NIPA2: variants seen among roughly 807,000 people sequenced by gnomAD.
NIPA2 encodes the protein NIPA magnesium transporter 2, also known as magnesium transporter NIPA2.
Under a neutral mutation model 29.7 loss-of-function variants are expected in NIPA2, and 11 were observed. That is an observed-to-expected ratio of 0.37 (90% confidence interval 0.23 to 0.61). NIPA2 has a LOEUF of 0.61. Ranked by LOEUF, NIPA2 falls within the 20% of genes least tolerant of loss-of-function variation. NIPA2 has a pLI of 0.66. For synonymous variants in NIPA2, 183 were observed against 161.9 expected, an observed-to-expected ratio of 1.13 and a Z score of -0.99; for missense variants, 426 against 437.9, an observed-to-expected ratio of 0.97 and a Z score of 0.24.
rs369295410 is a variant in NIPA2 at position 22,854,016 on chromosome 15, CAG to C, written c.196+749_196+750del. Reference sequence around the variant, plus strand: ...CTAATTTTTGTATTTTTAGTAGAGACAGGGATTCACACGTTGGCCAGGCTGGT... The same window carrying C: ...CTAATTTTTGTATTTTTAGTAGAGACGGATTCACACGTTGGCCAGGCTGGT... On this transcript the variant is annotated intron_variant, in intron 5 of 7. Transcript: ENST00000337451. Among the ~76,000 whole-genome samples, 172 of 150,758 alleles carry C rather than the reference CAG, an allele frequency of 1.1e-3. 1 individual carries two copies. The highest frequency in any genetic ancestry group is 5.1e-3 in the East Asian group (25 of 4,932).
chr15:22,847,480 T>TC (rs1320426845), intron 3 of NIPA2, among the ~76,000 whole-genome samples: 2 of 151,998 alleles, frequency 1.3e-5, no homozygotes, highest in South Asian at 2.1e-4. Context: ...TTTTTTTTTT[T>TC]CCGAGACGGA....
chr15:22,855,444 G>A (rs2058107433), intron 5 of NIPA2, among the ~76,000 whole-genome samples: 1 of 151,892 alleles, frequency 6.6e-6, no homozygotes, highest in South Asian at 2.1e-4. Context: ...TGAAGACACT[G>A]AGCCTTGACT....
chr15:22,866,338 T>G lies in NIPA2; in HGVS notation c.574T>G (p.Ser192Ala). The G allele has an allele frequency of 1.2e-6, 2 of 1,614,140 alleles. No individual in the cohort carries two copies. The highest frequency in any genetic ancestry group is 2.2e-5 in the South Asian group (2 of 91,082). ...AATCTGCTCTGTAATCGGCGCGTTT[T>G]CAGTCTCCTGTGTGAAGGGCCTGGG... ...ITICSVIGAF[S>A]VSCVKGLGIA... Residue 192 changes from serine (S) to alanine (A), a missense_variant, in exon 8 of 8, where the codon TCA becomes GCA. Ser to Ala is a moderately conservative substitution (Grantham distance 99). Around this residue, in one of 3 missense-constraint regions of NIPA2, gnomAD observed 357 missense variants for 339.8 expected, o/e 1.05. Coordinates refer to ENST00000337451, the MANE Select transcript of NIPA2 (RefSeq NM_030922.7).
At chr15:22,846,790 T>TG (rs1409341368) in intron 3 of NIPA2, among the ~76,000 whole-genome samples, 2 of 149,930 alleles carry the variant, frequency 1.3e-5, no homozygotes, top group East Asian at 3.9e-4. Context: ...CACTCCAGCC[T>TG]GGGTGACAGA....
In NIPA2 at chr15:22,860,803, C is replaced by T; in HGVS notation, c.448+14C>T. Reference sequence around the variant, plus strand: ...TAGGTGATCCAGGTAAGAAAAAAGTCTTATTAGTCTTACTGTATTTTACTT... The same window carrying T: ...TAGGTGATCCAGGTAAGAAAAAAGTTTTATTAGTCTTACTGTATTTTACTT... On this transcript the variant is annotated intron_variant, in intron 7 of 7. Coordinates refer to ENST00000337451, the MANE Select transcript of NIPA2 (RefSeq NM_030922.7). The T allele has an allele frequency of 3.8e-6, 6 of 1,563,586 alleles. No individual in the cohort carries two copies. The highest frequency in any genetic ancestry group is 5.2e-6 in the Non-Finnish European group (6 of 1,156,918).
chr15:22,857,749 A>C (rs1298369982), intron 5 of NIPA2, among the ~76,000 whole-genome samples: 3 of 146,642 alleles, frequency 2.0e-5, no homozygotes, highest in Admixed American at 1.4e-4. Flanking sequence ...AGGCAGGAGA[A>C]TTGCTTGAAC....
At position 22,867,607 on chromosome 15, in the gene NIPA2, A is replaced by G. The variant is rs73418445; in HGVS notation, c.*760A>G. 0.021 allele frequency: 3,438 copies of G among 165,884 alleles called. 118 individuals carry two copies. The highest frequency in any genetic ancestry group is 0.077 in the African/African-American group (3,259 of 42,160). The allele number at this position is 165,884 out of a possible 1,614,324, so 10.3% of individuals were successfully genotyped here. On this transcript the variant is annotated 3_prime_UTR_variant, in exon 8 of 8. Coordinates refer to ENST00000337451, the MANE Select transcript of NIPA2 (RefSeq NM_030922.7). Reference sequence around the variant, plus strand: ...TTTTACATCAGCTCTTGTACTTTTCAGTATATTTTCATAATGAGTTATATT... The same window carrying G: ...TTTTACATCAGCTCTTGTACTTTTCGGTATATTTTCATAATGAGTTATATT...
intron 7 of NIPA2, among the ~76,000 whole-genome samples, chr15:22,861,075 AT>A (rs1256534281): frequency 6.6e-6 from 1 of 152,062 alleles, no homozygotes; most frequent in African/African-American, 2.4e-5. Flanking sequence ...TTTTCTTGAG[AT>A]TGTTTACATT....
Position 22,867,333 on chromosome 15 carries a change from A to G in NIPA2, c.*486A>G. Reference sequence around the variant, plus strand: ...TTGATGATGATTGGTTTTATTTTTGAAATATTTATTAAGGGAAAACTAAGT... The same window carrying G: ...TTGATGATGATTGGTTTTATTTTTGGAATATTTATTAAGGGAAAACTAAGT... On this transcript the variant is annotated 3_prime_UTR_variant, in exon 8 of 8. Transcript: ENST00000337451. 2.5e-6 allele frequency: 1 copy of G among 396,794 alleles called. No individual in the cohort carries two copies. The highest frequency in any genetic ancestry group is 4.4e-6 in the Non-Finnish European group (1 of 225,174). The allele number at this position is 396,794 out of a possible 1,614,324, so 24.6% of individuals were successfully genotyped here.
intron 5 of NIPA2, among the ~76,000 whole-genome samples, chr15:22,855,882 T>TAG (rs1272513256): frequency 3.3e-5 from 5 of 152,186 alleles, no homozygotes; most frequent in Admixed American, 3.3e-4. Flanking sequence ...GTGTGATACA[T>TAG]AGCCCTCAGT....
intron 7 of NIPA2, among the ~76,000 whole-genome samples, chr15:22,861,405 T>G (rs1049202869): frequency 3.3e-5 from 5 of 152,158 alleles, no homozygotes; most frequent in African/African-American, 1.2e-4. Context: ...GGGATTCCCT[T>G]CAGTTTGCTT....
Position 22,866,313 on chromosome 15 carries a change from A to T in NIPA2, c.549A>T (p.Thr183=), listed in dbSNP as rs746208733. 8.1e-6 allele frequency: 13 copies of T among 1,613,862 alleles called. 2 individuals carry two copies. In the South Asian group the frequency reaches 1.3e-4, roughly 16 times the overall value. Residue 183 remains threonine, a synonymous_variant, in exon 8 of 8, where the codon ACA becomes ACT. Coordinates refer to ENST00000337451, the MANE Select transcript of NIPA2 (RefSeq NM_030922.7). The part of the protein sequence containing the change: ...HGQTNILVYI[T]ICSVIGAFSV... ...AGACAAACATTCTTGTGTACATAAC[A>T]ATCTGCTCTGTAATCGGCGCGTTTT...
chr15:22,844,076 G>C (rs893108989), intron 2 of NIPA2, among the ~76,000 whole-genome samples: 2 of 152,146 alleles, frequency 1.3e-5, no homozygotes, highest in African/African-American at 4.8e-5. Flanking sequence ...GCAGGTCCTA[G>C]TTTAGGTTTT....
At chr15:22,860,561 T>A in intron 6 of NIPA2, 68 bp from the exon 7 acceptor site, 2 of 1,027,254 alleles carry the variant, frequency 1.9e-6, no homozygotes, top group Non-Finnish European at 2.8e-6. Flanking sequence ...AAATTACGAG[T>A]TTTATTGATA....
intron 5 of NIPA2, among the ~76,000 whole-genome samples, chr15:22,855,735 C>T (rs778938702): frequency 2.0e-5 from 3 of 152,022 alleles, no homozygotes; most frequent in African/African-American, 4.8e-5. Context: ...GGGCCAGCCT[C>T]GCTGAAAGGT....
Position 22,866,198 on chromosome 15 carries a change from C to G in NIPA2, c.449-15C>G, listed in dbSNP as rs1323218002. The G allele has an allele frequency of 1.2e-6, 2 of 1,602,292 alleles. No individual in the cohort carries two copies. The highest frequency in any genetic ancestry group is 1.7e-5 in the Admixed American group (1 of 58,962). ...CAACCATTTGACTCATGTAACTTTTCTTTGCCTCCTCCAGGTTTTGTGGTC... is the reference window on the plus strand; with the variant it reads ...CAACCATTTGACTCATGTAACTTTTGTTTGCCTCCTCCAGGTTTTGTGGTC... On this transcript the variant is annotated splice_polypyrimidine_tract_variant and intron_variant, in intron 7 of 7. Coordinates refer to ENST00000337451, the MANE Select transcript of NIPA2 (RefSeq NM_030922.7).
At chr15:22,862,995 G>A (rs2058726141) in intron 7 of NIPA2, among the ~76,000 whole-genome samples, 1 of 146,132 alleles carries the variant, frequency 6.8e-6, no homozygotes. Flanking sequence ...TCTGCCTCTC[G>A]GGCTCAAGCG....
rs962420483 is a variant in NIPA2 at position 22,851,978 on chromosome 15, T to C, written c.139+108T>C. 5 of 955,224 alleles carry C rather than the reference T, an allele frequency of 5.2e-6. No individual in the cohort carries two copies. In the African/African-American group the frequency reaches 8.2e-5, roughly 16 times the overall value. The allele number at this position is 955,224 out of a possible 1,614,324, so 59.2% of individuals were successfully genotyped here. A position where few individuals can be genotyped will look rare whatever the true frequency, so the allele number is the denominator to read the frequency against. ...TTCCTCGTGAGTGTATTTGAAACTT[T>C]GAATTGTTCAAGAGTTCTAAATGTT... On this transcript the variant is annotated intron_variant, in intron 4 of 7. Coordinates refer to ENST00000337451, the MANE Select transcript of NIPA2 (RefSeq NM_030922.7).
intron 2 of NIPA2, among the ~76,000 whole-genome samples, chr15:22,843,945 C>T (rs1005120245): frequency 1.3e-5 from 2 of 152,186 alleles, no homozygotes; most frequent in Non-Finnish European, 2.9e-5. Context: ...TGATCTCCCA[C>T]CTCGGCCTCC....
Sources: allele counts gnomAD v4.1 joint callset (sites outside exome capture counted in the v4.1 genomes callset), GRCh38; gene constraint gnomAD v4.1.1; regional missense constraint gnomAD v4.1.1; transcripts MANE v1.5; gene names NCBI Gene and HGNC (gene_info 2026-07-23, HGNC 2026-07-21).